Variants in ASGR1 observed in about 807,000 individuals in gnomAD.
ASGR1 encodes C-type lectin domain family 4 member H1.
ASGR1 carries 35 observed loss-of-function variants against 33.1 expected under a neutral mutation model. That is an observed-to-expected ratio of 1.06 (90% CI 0.81 to 1.40). The LOEUF (loss-of-function observed/expected upper bound fraction) is 1.40, where lower values mean the gene tolerates loss of function less well. Among genes scored for constraint, ASGR1 ranks in the 40% most tolerant of loss-of-function variants. ASGR1 has a pLI of 0.00. For synonymous variants in ASGR1, 142 were observed against 152.5 expected (o/e 0.93, Z 0.51); for missense variants, 396 against 373.7 (o/e 1.06, Z -0.49).
chr17:7,173,841 C>G lies in ASGR1; in HGVS notation c.702-8G>C, dbSNP rs775503710. 8 of 1,608,858 alleles carry G rather than the reference C, an allele frequency of 5.0e-6. No individual in the cohort carries two copies. In the African/African-American group the frequency reaches 1.1e-4, roughly 21 times the overall value. On this transcript the variant is annotated splice_polypyrimidine_tract_variant and splice_region_variant and intron_variant, in intron 8 of 8. Transcript: ENST00000269299. This position sits in a 1 kb window ranked among gnomAD's most constrained non-coding sequence, Gnocchi z 4.7. ...TGCTCCGGCCTCCAGTTCCTGGGGA[C>G]AGAGCCAGCTGTGGGCCCCAGGAGG... is the stretch of plus-strand genomic sequence containing the variant.
intron 5 of ASGR1, 33 bp downstream of exon 5, chr17:7,176,797 C>G: frequency 5.8e-6 from 9 of 1,551,198 alleles, no homozygotes; most frequent in Non-Finnish European, 7.9e-6. Flanking sequence ...CTCTTTCACA[C>G]ACACACACAC....
chr17:7,179,335 C>T lies in ASGR1; in HGVS notation c.-171G>A, dbSNP rs75774741. 1,870 of 152,378 alleles carry T rather than the reference C, an allele frequency of 0.012. 31 individuals are homozygous for T. The highest frequency in any genetic ancestry group is 0.094 in the Middle Eastern group (28 of 298). The allele number at this position is 152,378 out of a possible 1,614,324, so 9.4% of individuals were successfully genotyped here. On this transcript the variant is annotated 5_prime_UTR_variant, in exon 1 of 9. Transcript: ENST00000269299. ...AGCGGGCAGGGTCCATAGGAGGGCC[C>T]TGGGCCCCGGTGTCTCTGTGTCTGC...
At chr17:7,177,643 G>GAAACGCA in intron 2 of ASGR1, 1 of 291,106 alleles carries the variant, frequency 3.4e-6, no homozygotes, top group South Asian at 7.7e-5. Flanking sequence ...CCCGCGCCTT[G>GAAACGCA]AAACGCAATT....
At chr17:7,178,909 T>G in intron 1 of ASGR1, 1 of 190,654 alleles carries the variant, frequency 5.2e-6, no homozygotes. Flanking sequence ...GCTACTTTTT[T>G]GTATTTTAGT....
chr17:7,176,948 G>T (rs762314386), intron 4 of ASGR1, 33 bp downstream of exon 4: 8 of 1,459,706 alleles, frequency 5.5e-6, no homozygotes, highest in African/African-American at 2.8e-5. Context: ...CCCAGCCCCA[G>T]CCCCAGCCCC....
chr17:7,174,664 T>G lies in ASGR1; in HGVS notation c.356-204A>C, dbSNP rs1402625506. ...ACACAACACACCCTTACACACACAC[T>G]CACACAGACACACAACACATCCTAA... is the stretch of plus-strand genomic sequence containing the variant. On this transcript the variant is annotated intron_variant, in intron 5 of 8. Coordinates refer to ENST00000269299, the MANE Select transcript of ASGR1 (RefSeq NM_001671.5). Among the ~76,000 whole-genome samples, 3 of 108,808 alleles carry G rather than the reference T, an allele frequency of 2.8e-5. No homozygotes were observed. In the East Asian group the frequency reaches 8.3e-4, roughly 30 times the overall value. 71.4% of individuals were successfully genotyped at this position (108,808 alleles called of 152,430 possible).
chr17:7,175,497 ACT>A (rs199918479), intron 5 of ASGR1, among the ~76,000 whole-genome samples: 2,595 of 149,952 alleles, frequency 0.017, 84 homozygotes, highest in African/African-American at 0.059. Flanking sequence ...CACCACACAC[ACT>A]CACCCACAAC....
rs984897770 is a variant in ASGR1, at chr17:7,174,304, C to T, written c.443-15G>A. 1 of 1,613,416 alleles carries T rather than the reference C, an allele frequency of 6.2e-7. No homozygotes were observed. Among genetic ancestry groups the T allele is most frequent in the Non-Finnish European group, 8.5e-7 (1 of 1,179,618 alleles). The stretch of plus-strand genomic sequence containing the variant: ...CCTTTCTGAGCCTGAGCGGGAGAAA[C>T]GGGGCGCAGGGGCTAAGCGCTGCCC... On this transcript the variant is annotated splice_polypyrimidine_tract_variant and intron_variant, in intron 6 of 8. Transcript: ENST00000269299.
intron 5 of ASGR1, among the ~76,000 whole-genome samples, chr17:7,175,576 A>C (rs1286063149): frequency 2.0e-5 from 3 of 151,636 alleles, no homozygotes; most frequent in African/African-American, 7.3e-5. Context: ...ACACACACTC[A>C]CATGCACTTA....
intron 2 of ASGR1, chr17:7,178,245 C>T (rs199577129): frequency 1.7e-4 from 91 of 538,192 alleles, no homozygotes; most frequent in Non-Finnish European, 2.6e-4. Context: ...TGTTCCCACA[C>T]CCCCGGGTCC....
rs775139544 is a variant in ASGR1, at chr17:7,174,219, G to A, written c.513C>T (p.Ser171=). ...TGTCGGCGTCAGCCCAGGCCTTCCCGGAGCGAGAGAACCAGTAGCAGCTGC... is the reference window on the plus strand; with the variant it reads ...TGTCGGCGTCAGCCCAGGCCTTCCCAGAGCGAGAGAACCAGTAGCAGCTGC... ...HERSCYWFSR[S]GKAWADADNY... Residue 171 remains serine, a synonymous_variant, in exon 7 of 9, where the codon TCC becomes TCT. Coordinates refer to ENST00000269299, the MANE Select transcript of ASGR1 (RefSeq NM_001671.5). 7 of 1,614,082 alleles carry A rather than the reference G, an allele frequency of 4.3e-6. No individual in the cohort carries two copies. Among genetic ancestry groups the A allele is most frequent in the Admixed American group, 3.3e-5 (2 of 59,996 alleles).
chr17:7,173,745 A>G lies in ASGR1; in HGVS notation c.790T>C (p.Trp264Arg), dbSNP rs2069161249. 1.9e-6 allele frequency: 3 copies of G among 1,613,686 alleles called. No individual in the cohort carries two copies. Among genetic ancestry groups the G allele is most frequent in the East Asian group, 2.2e-5 (1 of 44,878 alleles). Residue 264 changes from tryptophan (W) to arginine (R), a missense_variant, in exon 9 of 9, where the codon TGG becomes CGG. Trp to Arg is a moderately radical substitution (Grantham distance 101). Transcript: ENST00000269299. This position sits in a 1 kb window ranked among gnomAD's most constrained non-coding sequence, Gnocchi z 4.7. ...GGCCTCTGGCAGACGTCGTCGTTCC[A>G]GCGGCCGTCGTCGGTGAAGTGGGCA... ...DCAHFTDDGRWNDDVCQRPYR... is the reference protein window; with the variant it reads ...DCAHFTDDGRRNDDVCQRPYR...
At position 7,173,721 on chromosome 17, in the gene ASGR1, G is replaced by A. The variant is rs772462475; in HGVS notation, c.814C>T (p.Pro272Ser). The change falls in exon 9 of 9, where the codon CCC (proline) becomes TCC (serine). Residue 272 changes from proline (P) to serine (S), a missense_variant. By Grantham distance (74) the Pro-to-Ser change is moderately conservative. Coordinates refer to ENST00000269299, the MANE Select transcript of ASGR1 (RefSeq NM_001671.5). This position sits in a 1 kb window ranked among gnomAD's most constrained non-coding sequence, Gnocchi z 4.7. ...TCTGTCTCGCAGACCCAGCGGTAGG[G>A]CCTCTGGCAGACGTCGTCGTTCCAG... Reference protein sequence around the residue: ...GRWNDDVCQRPYRWVCETELD... With the variant: ...GRWNDDVCQRSYRWVCETELD... 8.1e-6 allele frequency: 13 copies of A among 1,613,838 alleles called. No individual in the cohort carries two copies. In the South Asian group the frequency reaches 1.4e-4, roughly 18 times the overall value.
intron 5 of ASGR1, among the ~76,000 whole-genome samples, chr17:7,176,198 C>G (rs1287772681): frequency 6.7e-6 from 1 of 148,544 alleles, no homozygotes; most frequent in African/African-American, 2.5e-5. Context: ...CACACACACC[C>G]CATCTCATTC....
rs1195695573 is a variant in ASGR1 at position 7,173,630 on chromosome 17, G to C, written c.*29C>G. The C allele has an allele frequency of 8.1e-6, 13 of 1,611,326 alleles. No individual in the cohort carries two copies. The highest frequency in any genetic ancestry group is 1.1e-5 in the Non-Finnish European group (13 of 1,179,948). On this transcript the variant is annotated 3_prime_UTR_variant, in exon 9 of 9. Coordinates refer to ENST00000269299, the MANE Select transcript of ASGR1 (RefSeq NM_001671.5). The surrounding 1 kb of genome is among the most constrained non-coding windows in gnomAD (Gnocchi z 4.7). Reference sequence around the variant, plus strand: ...GGCGGATTCCCAATCCCGGACCCCTGCGGCAGGTCGAGGCATTGAAGAAAT... The same window carrying C: ...GGCGGATTCCCAATCCCGGACCCCTCCGGCAGGTCGAGGCATTGAAGAAAT...
intron 5 of ASGR1, 60 bp downstream of exon 5, chr17:7,176,770 A>G: frequency 6.3e-7 from 1 of 1,583,030 alleles, no homozygotes; most frequent in Non-Finnish European, 8.6e-7. Context: ...TCTCACACAC[A>G]TCCACACATT....
intron 5 of ASGR1, among the ~76,000 whole-genome samples, chr17:7,176,382 TCA>T (rs2069208561): frequency 2.3e-5 from 3 of 133,226 alleles, no homozygotes; most frequent in East Asian, 2.5e-4. Context: ...ATTCTTACAC[TCA>T]GACTCACACA....
chr17:7,177,163 G>C (rs772718366), intron 3 of ASGR1, 47 bp downstream of exon 3: 1 of 1,612,504 alleles, frequency 6.2e-7, no homozygotes, highest in Non-Finnish European at 8.5e-7. Context: ...ACGGTCCCCC[G>C]TCAACACCCC....
intron 5 of ASGR1, among the ~76,000 whole-genome samples, chr17:7,176,220 AACACACAC>A (rs201215587): frequency 9.5e-6 from 1 of 105,582 alleles, no homozygotes; most frequent in East Asian, 3.1e-4. Flanking sequence ...CACACTCACA[AACACACAC>A]ACACTCACAG....
Sources: gnomAD v4.1 joint callset for allele counts (sites outside exome capture counted in the v4.1 genomes callset) on GRCh38, gnomAD v4.1.1 for gene constraint, Gnocchi (gnomAD v3.1) non-coding constraint, MANE v1.5 for transcripts, NCBI Gene and HGNC (gene_info 2026-07-23, HGNC 2026-07-21) for gene names.